GRIK4: variants seen among roughly 807,000 people sequenced by gnomAD.
GRIK4 encodes the protein glutamate receptor ionotropic, kainate 4.
Under a neutral mutation model 104.9 loss-of-function variants are expected in GRIK4, and 40 were observed. The ratio of observed to expected loss-of-function variants is 0.38; its 90% CI spans 0.30 to 0.50. The LOEUF is 0.50. Ranked by LOEUF, GRIK4 falls within the 20% of genes least tolerant of loss-of-function variation. GRIK4 has a pLI of 0.93. For synonymous variants in GRIK4, 485 were observed against 524.9 expected (o/e 0.92, Z 1.04); for missense variants, 1,047 against 1,308.1 (o/e 0.80, Z 3.08).
chr11:120,706,647 C>T (rs531069227), intron 3 of GRIK4, among the ~76,000 whole-genome samples: 13 of 152,252 alleles, frequency 8.5e-5, no homozygotes, highest in Middle Eastern at 3.4e-3. Flanking sequence ...AGAAAACGTT[C>T]GACCTATGGG....
chr11:120,614,824 C>A (rs1043630542), intron 1 of GRIK4, among the ~76,000 whole-genome samples: 1 of 151,982 alleles, frequency 6.6e-6, no homozygotes, highest in Non-Finnish European at 1.5e-5. Flanking sequence ...ATGGTGAAAC[C>A]CCGTCTCTAC....
intron 13 of GRIK4, among the ~76,000 whole-genome samples, chr11:120,916,372 A>G (rs1294580473): frequency 6.6e-6 from 1 of 152,250 alleles, no homozygotes; most frequent in Non-Finnish European, 1.5e-5. Flanking sequence ...TACATCGTAA[A>G]TGACTAGGAA....
At chr11:120,567,481 A>G (rs752305541) in intron 1 of GRIK4, among the ~76,000 whole-genome samples, 9 of 152,144 alleles carry the variant, frequency 5.9e-5, no homozygotes, top group Non-Finnish European at 1.2e-4. Context: ...TGTGTTAAAT[A>G]ATGGAATTAA....
chr11:120,720,029 T>A (rs780099818), intron 3 of GRIK4, among the ~76,000 whole-genome samples: 1 of 151,980 alleles, frequency 6.6e-6, no homozygotes, highest in Non-Finnish European at 1.5e-5. Context: ...ACATTTCATT[T>A]GTAAAAATTC....
chr11:120,672,416 TA>T (rs574224203), intron 3 of GRIK4, among the ~76,000 whole-genome samples: 29 of 149,588 alleles, frequency 1.9e-4, no homozygotes, highest in Admixed American at 3.3e-4. Flanking sequence ...AACTCTGTCT[TA>T]AAAAAAAAAT....
intron 3 of GRIK4, among the ~76,000 whole-genome samples, chr11:120,678,576 T>C (rs752819290): frequency 3.3e-5 from 5 of 151,878 alleles, no homozygotes; most frequent in Non-Finnish European, 7.4e-5. Context: ...AGGAGTGGCT[T>C]GGCTGGTGGT....
At chr11:120,624,317 C>T (rs1330264360) in intron 1 of GRIK4, among the ~76,000 whole-genome samples, 1 of 151,980 alleles carries the variant, frequency 6.6e-6, no homozygotes, top group Non-Finnish European at 1.5e-5. Flanking sequence ...CCCCATGGGG[C>T]CCCATGGGGC....
chr11:120,952,288 C>T lies in GRIK4; in HGVS notation c.1591-567C>T, dbSNP rs957181720. On this transcript the variant is annotated intron_variant, in intron 14 of 20. Transcript: ENST00000527524. This position sits in a 1 kb window ranked among gnomAD's most constrained non-coding sequence, Gnocchi z 5.2. ...TGTGGAACCTCGGGCACATCTCTGA[C>T]TGCCCTCGGCTTTGGCTTCTTCACT... 9.9e-5 allele frequency among the ~76,000 whole-genome samples: 15 copies of T among 152,202 alleles called. No homozygotes were observed. Among genetic ancestry groups the T allele is most frequent in the Non-Finnish European group, 1.5e-5 (1 of 68,046 alleles).
At chr11:120,934,804 C>T (rs1017467495) in intron 13 of GRIK4, among the ~76,000 whole-genome samples, 11 of 152,184 alleles carry the variant, frequency 7.2e-5, no homozygotes, top group African/African-American at 2.7e-4. Flanking sequence ...ATGCCACAGC[C>T]GGGCACATGG....
chr11:120,724,142 C>T (rs1341008367), intron 3 of GRIK4, among the ~76,000 whole-genome samples: 3 of 152,092 alleles, frequency 2.0e-5, no homozygotes, highest in African/African-American at 7.2e-5. Flanking sequence ...CAAGTTTGTT[C>T]CTTTTTTTGT....
intron 13 of GRIK4, among the ~76,000 whole-genome samples, chr11:120,918,149 G>C (rs1943150410): frequency 6.6e-6 from 1 of 152,222 alleles, no homozygotes; most frequent in African/African-American, 2.4e-5. Context: ...AGGAGCTCCA[G>C]TTCAGCACGC....
chr11:120,783,077 C>G (rs530234803), intron 3 of GRIK4, among the ~76,000 whole-genome samples: 2 of 152,338 alleles, frequency 1.3e-5, no homozygotes, highest in African/African-American at 4.8e-5. Context: ...GAGACACATT[C>G]AAACCGTCGC....
chr11:120,855,841 G>T (rs1954092735), intron 8 of GRIK4, among the ~76,000 whole-genome samples: 1 of 152,252 alleles, frequency 6.6e-6, no homozygotes. Context: ...GGGATTATAG[G>T]CGTGAGCCAC....
At chr11:120,920,530 C>T (rs2134565511) in intron 13 of GRIK4, among the ~76,000 whole-genome samples, 2 of 152,200 alleles carry the variant, frequency 1.3e-5, no homozygotes, top group South Asian at 4.1e-4. Context: ...ACAGAGTGCA[C>T]ATGTGTCCAG....
chr11:120,919,700 T>C (rs1943186099), intron 13 of GRIK4, among the ~76,000 whole-genome samples: 2 of 152,082 alleles, frequency 1.3e-5, no homozygotes, highest in African/African-American at 4.8e-5. Context: ...TACTGAATAA[T>C]TCAAAGGAAG....
intron 11 of GRIK4, among the ~76,000 whole-genome samples, chr11:120,879,201 C>A (rs1954897434): frequency 6.6e-6 from 1 of 152,222 alleles, no homozygotes; most frequent in South Asian, 2.1e-4. Flanking sequence ...CCACTCCTGG[C>A]TATTCCTCAC....
chr11:120,645,098 A>T (rs1949524676), intron 1 of GRIK4, among the ~76,000 whole-genome samples: 1 of 151,420 alleles, frequency 6.6e-6, no homozygotes, highest in Non-Finnish European at 1.5e-5. Flanking sequence ...GTCTGTGTGG[A>T]TGTGTGATAT....
At chr11:120,580,219 C>T (rs1948554419) in intron 1 of GRIK4, among the ~76,000 whole-genome samples, 1 of 136,994 alleles carries the variant, frequency 7.3e-6, no homozygotes, top group Admixed American at 7.0e-5. Context: ...TTCTTTCTTT[C>T]TTTCTTTCTT....
chr11:120,856,423 G>A (rs550977404), intron 8 of GRIK4, among the ~76,000 whole-genome samples: 2 of 152,140 alleles, frequency 1.3e-5, no homozygotes, highest in African/African-American at 2.4e-5. Flanking sequence ...TCAGAGGCAC[G>A]ATCTCCATTA....
Sources: allele counts gnomAD v4.1 joint callset (sites outside exome capture counted in the v4.1 genomes callset), GRCh38; gene constraint gnomAD v4.1.1; non-coding constraint Gnocchi (gnomAD v3.1); transcripts MANE v1.5; gene names NCBI Gene and HGNC (gene_info 2026-07-23, HGNC 2026-07-21).